The following DAB2IP variants were observed in gnomAD, a reference collection of about 807,000 sequenced individuals.
The protein encoded by DAB2IP is DAB2 interacting protein.
In DAB2IP, 28 loss-of-function variants were observed where a neutral mutation model predicts 107.2. That is an observed-to-expected ratio of 0.26 (90% confidence interval 0.19 to 0.36). The LOEUF is 0.36. DAB2IP is among the 10% of genes least tolerant of loss of function. DAB2IP has a pLI of 1.00. For missense variants in DAB2IP, 1,400 were observed against 1,644.7 expected (o/e 0.85, Z 2.57); for synonymous variants, 755 against 706.4 (o/e 1.07, Z -1.09).
At chr9:121,769,320 G>A (rs114699739) in intron 10 of DAB2IP, among the ~76,000 whole-genome samples, 65 of 152,340 alleles carry the variant, frequency 4.3e-4, no homozygotes, top group African/African-American at 1.5e-3. Context: ...CAGAGCACTG[G>A]TATGCAGCCT....
chr9:121,757,080 G>A (rs148946129), exon 4 of DAB2IP: 10 of 1,614,220 alleles, frequency 6.2e-6, no homozygotes, highest in Non-Finnish European at 8.5e-6. Context: ...CAGCAGTGCG[G>A]TGGAGGCGCT....
chr9:121,611,479 G>C (rs1325459927), intron 1 of DAB2IP, among the ~76,000 whole-genome samples: 1 of 152,148 alleles, frequency 6.6e-6, no homozygotes, highest in Non-Finnish European at 1.5e-5. Flanking sequence ...CTACCTACCA[G>C]CTGTTTGACC....
rs1564223969 is a variant in DAB2IP at position 121,772,703 on chromosome 9, CAGCTCG to C, written c.2178_2183del (p.Ser727_Ser728del). Reference sequence around the variant, plus strand: ...CCGGGGTCCAGCCCTCACCTGCCCGCAGCTCGAGTTACTCGGAAGCCAACGAGCCTG... The same window carrying C: ...CCGGGGTCCAGCCCTCACCTGCCCGCAGTTACTCGGAAGCCAACGAGCCTG... On this transcript the variant is annotated inframe_deletion, in exon 12 of 16. Transcript: ENST00000408936. This position sits in a 1 kb window ranked among gnomAD's most constrained non-coding sequence, Gnocchi z 4.7. 6.2e-7 allele frequency: 1 copy of C among 1,614,068 alleles called. No individual in the cohort carries two copies. Among genetic ancestry groups the C allele is most frequent in the Non-Finnish European group, 8.5e-7 (1 of 1,180,028 alleles).
intron 3 of DAB2IP, among the ~76,000 whole-genome samples, chr9:121,700,026 G>A (rs1378254405): frequency 6.6e-6 from 1 of 152,226 alleles, no homozygotes; most frequent in Non-Finnish European, 1.5e-5. Context: ...CTAGCAGAGC[G>A]GGCAGTGCCC....
chr9:121,697,205 A>T (rs941142449), intron 2 of DAB2IP, among the ~76,000 whole-genome samples: 5 of 152,196 alleles, frequency 3.3e-5, no homozygotes, highest in African/African-American at 1.2e-4. Flanking sequence ...TTTTTTGTTT[A>T]AACTCAGAAA....
rs142959579 is a variant in DAB2IP, at chr9:121,709,857, G to A, written c.362+10399G>A. On this transcript the variant is annotated intron_variant, in intron 3 of 15. Transcript: ENST00000408936. The stretch of plus-strand genomic sequence containing the variant: ...AATCACATAGCCAGGATTAGCCTCA[G>A]GTTACCTTTAGAATCTAGATCTCTT... 1.4e-4 allele frequency among the ~76,000 whole-genome samples: 21 copies of A among 152,270 alleles called. No individual in the cohort carries two copies. In the East Asian group the frequency reaches 4.1e-3, roughly 29 times the overall value.
At chr9:121,726,399 A>AAC (rs1589590773) in intron 3 of DAB2IP, among the ~76,000 whole-genome samples, 1 of 152,312 alleles carries the variant, frequency 6.6e-6, no homozygotes, top group East Asian at 1.9e-4. Flanking sequence ...TAAACTGGCA[A>AAC]ACAGAAGTAA....
chr9:121,606,586 G>A (rs1197961063), intron 1 of DAB2IP, among the ~76,000 whole-genome samples: 3 of 152,078 alleles, frequency 2.0e-5, no homozygotes, highest in African/African-American at 7.2e-5. Flanking sequence ...TCACGGGCAG[G>A]GCTCAGAGTG....
intron 3 of DAB2IP, among the ~76,000 whole-genome samples, chr9:121,721,919 G>A (rs901791472): frequency 1.3e-4 from 20 of 152,256 alleles, no homozygotes; most frequent in African/African-American, 4.3e-4. Context: ...AACTGATGGG[G>A]CCCCGCCCAG....
intron 2 of DAB2IP, among the ~76,000 whole-genome samples, chr9:121,685,261 AT>A (rs1439023292): frequency 1.3e-5 from 2 of 152,184 alleles, no homozygotes; most frequent in Non-Finnish European, 2.9e-5. Flanking sequence ...CGCGGGGGGC[AT>A]CCCCCTTTTC....
In DAB2IP at chr9:121,701,125, G is replaced by A. The variant is rs566278754; in HGVS notation, c.362+1667G>A. ...ATGCGGGGGCTTGTGTACGTACCCCGTTTTGTGTGCATGTGGTGGTTGTCC... is the reference window on the plus strand; with the variant it reads ...ATGCGGGGGCTTGTGTACGTACCCCATTTTGTGTGCATGTGGTGGTTGTCC... On this transcript the variant is annotated intron_variant, in intron 3 of 15. Coordinates refer to ENST00000408936, the Ensembl canonical transcript of DAB2IP. This position sits in a 1 kb window ranked among gnomAD's most constrained non-coding sequence, Gnocchi z 4.7. Among the ~76,000 whole-genome samples the A allele has an allele frequency of 2.5e-4, 38 of 152,358 alleles. No homozygotes were observed. The highest frequency in any genetic ancestry group is 7.7e-4 in the African/African-American group (32 of 41,584).
intron 1 of DAB2IP, among the ~76,000 whole-genome samples, chr9:121,676,581 T>C (rs1426120728): frequency 6.6e-6 from 1 of 151,626 alleles, no homozygotes; most frequent in Non-Finnish European, 1.5e-5. Flanking sequence ...TGCAGGGTGC[T>C]GGGGAGGTGG....
At chr9:121,660,099 G>A (rs1229374014) in intron 1 of DAB2IP, among the ~76,000 whole-genome samples, 2 of 152,054 alleles carry the variant, frequency 1.3e-5, no homozygotes, top group African/African-American at 4.8e-5. Flanking sequence ...AGCAAAGAGG[G>A]GAGAACAGCC....
intron 2 of DAB2IP, among the ~76,000 whole-genome samples, chr9:121,680,607 G>GGGT (rs1377178604): frequency 1.3e-5 from 2 of 152,186 alleles, no homozygotes; most frequent in Non-Finnish European, 2.9e-5. Flanking sequence ...ACAGCAGGCA[G>GGGT]GGTGGGCCTT....
At chr9:121,747,824 T>G (rs1337159890) in intron 3 of DAB2IP, among the ~76,000 whole-genome samples, 1 of 150,824 alleles carries the variant, frequency 6.6e-6, no homozygotes, top group Non-Finnish European at 1.5e-5. Flanking sequence ...GTTTTTTGTT[T>G]CTTCTCTCTC....
At chr9:121,667,572 C>A (rs1589480972) in intron 1 of DAB2IP, among the ~76,000 whole-genome samples, 1 of 152,128 alleles carries the variant, frequency 6.6e-6, no homozygotes, top group African/African-American at 2.4e-5. Context: ...CTCACTGCAA[C>A]CTCTGCCTGC....
intron 1 of DAB2IP, among the ~76,000 whole-genome samples, chr9:121,581,946 A>C (rs979738389): frequency 1.3e-5 from 2 of 152,194 alleles, no homozygotes; most frequent in Admixed American, 6.5e-5. Flanking sequence ...AGGAAACGCC[A>C]CCAGCAGCGG....
At position 121,684,295 on chromosome 9, in the gene DAB2IP, G is replaced by A. The variant is rs1239408955; in HGVS notation, c.228+5514G>A. Among the ~76,000 whole-genome samples the A allele has an allele frequency of 1.3e-5, 2 of 152,084 alleles. No individual in the cohort carries two copies. The highest frequency in any genetic ancestry group is 4.8e-5 in the African/African-American group (2 of 41,406). On this transcript the variant is annotated intron_variant, in intron 2 of 15. Coordinates refer to ENST00000408936, the Ensembl canonical transcript of DAB2IP. The surrounding 1 kb of genome is among the most constrained non-coding windows in gnomAD (Gnocchi z 4.0). ...ATCATAGACGGGAGGGTCCTTTCCT[G>A]AGGTCACACAGCATGTCTAGGGTAG...
intron 1 of DAB2IP, among the ~76,000 whole-genome samples, chr9:121,596,333 A>G (rs1403611183): frequency 1.3e-5 from 2 of 152,084 alleles, no homozygotes; most frequent in Non-Finnish European, 2.9e-5. Context: ...CTCCATCTCA[A>G]AAAAATAAAA....
Sources: gnomAD v4.1 joint callset for allele counts (sites outside exome capture counted in the v4.1 genomes callset) on GRCh38, gnomAD v4.1.1 for gene constraint, Gnocchi (gnomAD v3.1) non-coding constraint, MANE v1.5 for transcripts, NCBI Gene and HGNC (gene_info 2026-07-23, HGNC 2026-07-21) for gene names.